Variants in ESX1 observed in about 807,000 individuals in gnomAD.
ESX1 encodes the protein homeobox protein ESX1.
A neutral mutation model predicts 13.2 loss-of-function variants in ESX1; 2 were observed. The observed-to-expected ratio is 0.15, with a 90% CI of 0.06 to 0.48. The LOEUF is 0.48. ESX1 is among the 20% of genes least tolerant of loss of function. The pLI is 0.97. For synonymous variants in ESX1, 157 were observed against 163.1 expected (o/e 0.96, Z 0.29); for missense variants, 307 against 379.0 (o/e 0.81, Z 1.58).
chrX:104,254,450 G>T lies in ESX1; in HGVS notation c.210C>A (p.Asp70Glu). The T allele has an allele frequency of 8.3e-7, 1 of 1,212,118 alleles. No individual in the cohort carries two copies. Among genetic ancestry groups the T allele is most frequent in the Non-Finnish European group, 1.1e-6 (1 of 895,595 alleles). ...CGCCGCCACCCTCACGGTCTTGGTC[G>T]TCCGAGGGGACGGACCCTTCCGTGC... ...NVGTEGSVPS[D>E]DQDREGGGGH... Residue 70 changes from aspartate (D) to glutamate (E), a missense_variant, in exon 2 of 4, where the codon GAC becomes GAA. By Grantham distance (45) the Asp-to-Glu change is conservative. This residue lies in a region of ESX1 where 152 missense variants were observed against 114.5 expected (regional missense o/e 1.33). Coordinates refer to ENST00000372588, the MANE Select transcript of ESX1 (RefSeq NM_153448.4).
In ESX1 at chrX:104,254,903, C is replaced by T. The variant is rs1372432468; in HGVS notation, c.-54G>A. ...ACTTCTGCAGACTCTGTGCGTGGTTCCGCGGCGATCCCGGGGTTGGAACTG... is the reference window on the plus strand; with the variant it reads ...ACTTCTGCAGACTCTGTGCGTGGTTTCGCGGCGATCCCGGGGTTGGAACTG... On this transcript the variant is annotated 5_prime_UTR_variant, in exon 1 of 4. Transcript: ENST00000372588. 5 of 1,030,355 alleles carry T rather than the reference C, an allele frequency of 4.9e-6. No homozygotes were observed. In the African/African-American group the frequency reaches 5.6e-5, roughly 11 times the overall value. 84.9% of individuals were successfully genotyped at this position (1,030,355 alleles called of 1,213,427 possible).
intron 2 of ESX1, among the ~76,000 whole-genome samples, chrX:104,253,759 C>A (rs1398550282): frequency 8.9e-6 from 1 of 111,755 alleles, no homozygotes; most frequent in African/African-American, 3.3e-5. Context: ...CTCAAAAGTC[C>A]GCCCCCTGGT....
At position 104,250,366 on chromosome X, in the gene ESX1, CGGCCCGGGTGGCAGAG is replaced by C. The variant is rs1569472644; in HGVS notation, c.1067_1082del (p.Pro356ArgfsTer52). 2 of 1,062,989 alleles carry C rather than the reference CGGCCCGGGTGGCAGAG, an allele frequency of 1.9e-6. No individual in the cohort carries two copies. Among genetic ancestry groups the C allele is most frequent in the East Asian group, 3.7e-5 (1 of 27,174 alleles). 87.6% of individuals were successfully genotyped at this position (1,062,989 alleles called of 1,213,427 possible). A position where few individuals can be genotyped will look rare whatever the true frequency, so the allele number is the denominator to read the frequency against. ...GCCCGGGTGGCAGAGGCGCCATGGG[CGGCCCGGGTGGCAGAG>C]GCGCCATGGGCGGCCCGGGTGGCAG... On this transcript the variant is annotated frameshift_variant, in exon 4 of 4. Transcript: ENST00000372588. LOFTEE classifies it low-confidence loss of function (END_TRUNC).
rs782120079 is a variant in ESX1 at position 104,250,059 on chromosome X, T to C, written c.*169A>G. 2.1e-5 allele frequency: 13 copies of C among 631,451 alleles called. No individual in the cohort carries two copies. The highest frequency in any genetic ancestry group is 1.2e-4 in the South Asian group (3 of 25,930). The allele number at this position is 631,451 out of a possible 1,213,427, so 52.0% of individuals were successfully genotyped here. On this transcript the variant is annotated 3_prime_UTR_variant, in exon 4 of 4. Coordinates refer to ENST00000372588, the MANE Select transcript of ESX1 (RefSeq NM_153448.4). ...AACGTACTATTAAGTCACATCTTTA[T>C]TGAAAATACTACAATTATGTGGCCT...
At chrX:104,252,944 T>G (rs1274459269) in intron 2 of ESX1, 116 bp from the exon 3 acceptor site, 12 of 626,472 alleles carry the variant, frequency 1.9e-5, no homozygotes, top group Non-Finnish European at 2.8e-5. Flanking sequence ...AGGTCAGGAG[T>G]TGGAGACAAG....
intron 3 of ESX1, among the ~76,000 whole-genome samples, chrX:104,252,359 C>T (rs1006231366): frequency 4.5e-5 from 5 of 112,031 alleles, no homozygotes; most frequent in Non-Finnish European, 9.4e-5. Context: ...AGAAGTAATC[C>T]TTTAGGGAAA....
At chrX:104,251,521 T>G (rs1556394371) in intron 3 of ESX1, among the ~76,000 whole-genome samples, 1 of 112,034 alleles carries the variant, frequency 8.9e-6, no homozygotes, top group Non-Finnish European at 1.9e-5. Context: ...CCCACAGGCG[T>G]GCAGTGCAGT....
intron 2 of ESX1, among the ~76,000 whole-genome samples, chrX:104,253,328 T>C (rs1421095601): frequency 9.2e-6 from 1 of 108,351 alleles, no homozygotes; most frequent in Non-Finnish European, 1.9e-5. Context: ...GTTAGCTGAA[T>C]ATGACTCAAT....
In ESX1 at chrX:104,250,190, G is replaced by A; in HGVS notation, c.*38C>T. 8.4e-7 allele frequency: 1 copy of A among 1,192,581 alleles called. No homozygotes were observed. Among genetic ancestry groups the A allele is most frequent in the Non-Finnish European group, 1.1e-6 (1 of 884,579 alleles). ...TGCTGTGCACAATTTCTATCTGGCAGGAAAGAACTTTGGAAAAACTGTTAT... is the reference window on the plus strand; with the variant it reads ...TGCTGTGCACAATTTCTATCTGGCAAGAAAGAACTTTGGAAAAACTGTTAT... On this transcript the variant is annotated 3_prime_UTR_variant, in exon 4 of 4. Coordinates refer to ENST00000372588, the MANE Select transcript of ESX1 (RefSeq NM_153448.4).
chrX:104,252,630 A>G (rs1475791638), intron 3 of ESX1, among the ~76,000 whole-genome samples, 153 bp downstream of exon 3: 1 of 111,565 alleles, frequency 9.0e-6, no homozygotes, highest in African/African-American at 3.3e-5. Flanking sequence ...TACACATCCT[A>G]TTTTCTACCA....
Position 104,254,808 on chromosome X carries a change from G to A in ESX1, c.42C>T (p.Tyr14=), listed in dbSNP as rs782543558. Residue 14 remains tyrosine (Y), a synonymous_variant, in exon 1 of 4, where the codon TAC becomes TAT. Coordinates refer to ENST00000372588, the MANE Select transcript of ESX1 (RefSeq NM_153448.4). ...TGTCCTCGCCGACTGCCAGGCTGCG[G>A]TAGCCAATATCACTGTGGGTGTACC... ...LRGYTHSDIG[Y]RSLAVGEDIE... The A allele has an allele frequency of 1.7e-6, 2 of 1,208,337 alleles. No individual in the cohort carries two copies. Among genetic ancestry groups the A allele is most frequent in the East Asian group, 3.0e-5 (1 of 33,731 alleles).
intron 3 of ESX1, among the ~76,000 whole-genome samples, chrX:104,252,507 C>G (rs1923208525): frequency 8.9e-6 from 1 of 111,993 alleles, no homozygotes; most frequent in Non-Finnish European, 1.9e-5. Flanking sequence ...TGTGCATACA[C>G]TATATGGAGA....
In ESX1 at chrX:104,254,893, G is replaced by C; in HGVS notation, c.-44C>G. The C allele has an allele frequency of 1.8e-6, 2 of 1,087,981 alleles. No homozygotes were observed. The highest frequency in any genetic ancestry group is 2.5e-6 in the Non-Finnish European group (2 of 785,786). 89.7% of individuals were successfully genotyped at this position (1,087,981 alleles called of 1,213,427 possible). Reference sequence around the variant, plus strand: ...AAAGCTGTGCACTTCTGCAGACTCTGTGCGTGGTTCCGCGGCGATCCCGGG... The same window carrying C: ...AAAGCTGTGCACTTCTGCAGACTCTCTGCGTGGTTCCGCGGCGATCCCGGG... On this transcript the variant is annotated 5_prime_UTR_variant, in exon 1 of 4. Transcript: ENST00000372588.
intron 2 of ESX1, among the ~76,000 whole-genome samples, chrX:104,253,899 T>G (rs1339285225): frequency 8.9e-6 from 1 of 112,581 alleles, no homozygotes; most frequent in Non-Finnish European, 1.9e-5. Flanking sequence ...AATGCAATAT[T>G]AAAACGTATC....
In ESX1 at chrX:104,250,382, G is replaced by A. The variant is rs201142803; in HGVS notation, c.1067C>T (p.Pro356Leu). ...CGCCATGGGCGGCCCGGGTGGCAGAGGCGCCATGGGCGGCCCGGGTGGCAG... is the reference window on the plus strand; with the variant it reads ...CGCCATGGGCGGCCCGGGTGGCAGAAGCGCCATGGGCGGCCCGGGTGGCAG... Reference protein sequence around the residue: ...APLPPGPPMAPLPPGPPMAPL... With the variant: ...APLPPGPPMALLPPGPPMAPL... The change falls in exon 4 of 4, where the codon CCT (proline) becomes CTT (leucine). Residue 356 changes from proline to leucine, a missense_variant. Coordinates refer to ENST00000372588, the MANE Select transcript of ESX1 (RefSeq NM_153448.4). 11 of 1,012,712 alleles carry A rather than the reference G, an allele frequency of 1.1e-5. No homozygotes were observed. The highest frequency in any genetic ancestry group is 1.4e-5 in the Non-Finnish European group (11 of 797,721). The allele number at this position is 1,012,712 out of a possible 1,213,427, so 83.5% of individuals were successfully genotyped here.
In ESX1 at chrX:104,252,815, C is replaced by A; in HGVS notation, c.520G>T (p.Ala174Ser). Reference sequence around the variant, plus strand: ...CTGTCTTCAGTCAAATTCAGGCGTGCTGCAAGTCTCTCTCTTAGGGGAGAA... The same window carrying A: ...CTGTCTTCAGTCAAATTCAGGCGTGATGCAAGTCTCTCTCTTAGGGGAGAA... ...PDVVARERLA[A>S]RLNLTEDRVQ... Residue 174 changes from alanine to serine, a missense_variant, in exon 3 of 4, where the codon GCA (alanine) becomes TCA (serine). Ala to Ser is a moderately conservative substitution (Grantham distance 99). Transcript: ENST00000372588. 1 of 1,208,969 alleles carries A rather than the reference C, an allele frequency of 8.3e-7. No individual in the cohort carries two copies. Among genetic ancestry groups the A allele is most frequent in the Non-Finnish European group, 1.1e-6 (1 of 893,254 alleles).
In ESX1 at chrX:104,254,523, T is replaced by C. The variant is rs782215643; in HGVS notation, c.137A>G (p.Asn46Ser). The C allele has an allele frequency of 5.8e-6, 7 of 1,211,811 alleles. No individual in the cohort carries two copies. In the South Asian group the frequency reaches 1.2e-4, roughly 21 times the overall value. The change falls in exon 2 of 4, where the codon AAT becomes AGT. Residue 46 changes from asparagine (N) to serine (S), a missense_variant. By Grantham distance (46) the Asn-to-Ser change is conservative (BLOSUM62 1). Around this residue, in one of 3 missense-constraint regions of ESX1, gnomAD observed 152 missense variants for 114.5 expected, o/e 1.33. Coordinates refer to ENST00000372588, the MANE Select transcript of ESX1 (RefSeq NM_153448.4). ...LMARGGEDEE[N>S]TRSKPEYGTE... ...TCCGTACTCAGGTTTGGACCGTGTA[T>C]TCTCCTCGTCCTCTCCTCCCCTTGC...
In ESX1 at chrX:104,254,913, C is replaced by G; in HGVS notation, c.-64G>C. 1.0e-6 allele frequency: 1 copy of G among 1,000,581 alleles called. No individual in the cohort carries two copies. Among genetic ancestry groups the G allele is most frequent in the Non-Finnish European group, 1.4e-6 (1 of 710,616 alleles). The allele number at this position is 1,000,581 out of a possible 1,213,427, so 82.5% of individuals were successfully genotyped here. A position where few individuals can be genotyped will look rare whatever the true frequency, so the allele number is the denominator to read the frequency against. Reference sequence around the variant, plus strand: ...ACTCTGTGCGTGGTTCCGCGGCGATCCCGGGGTTGGAACTGGCTCTGGGAC... The same window carrying G: ...ACTCTGTGCGTGGTTCCGCGGCGATGCCGGGGTTGGAACTGGCTCTGGGAC... On this transcript the variant is annotated 5_prime_UTR_variant, in exon 1 of 4. Transcript: ENST00000372588.
chrX:104,252,034 C>T (rs1923195414), intron 3 of ESX1, among the ~76,000 whole-genome samples: 1 of 111,141 alleles, frequency 9.0e-6, no homozygotes, highest in African/African-American at 3.3e-5. Flanking sequence ...GACAGTTTTC[C>T]AAAGCTTACA....
Sources: allele counts gnomAD v4.1 joint callset (sites outside exome capture counted in the v4.1 genomes callset), GRCh38; gene constraint gnomAD v4.1.1; regional missense constraint gnomAD v4.1.1; transcripts MANE v1.5; gene names NCBI Gene and HGNC (gene_info 2026-07-23, HGNC 2026-07-21).